The following DHX32 variants were observed in gnomAD, a reference collection of about 807,000 sequenced individuals.
DHX32 encodes the protein putative pre-mRNA-splicing factor ATP-dependent RNA helicase DHX32.
A neutral mutation model predicts 70.0 loss-of-function variants in DHX32; 51 were observed. The observed-to-expected ratio is 0.73, with a 90% confidence interval of 0.58 to 0.92. The LOEUF is 0.92. Ranked by LOEUF, DHX32 falls within the 40% of genes least tolerant of loss-of-function variation. DHX32 has a pLI of 0.00. For missense variants in DHX32, 762 were observed against 891.8 expected (o/e 0.85, Z 1.85); for synonymous variants, 310 against 315.3 (o/e 0.98, Z 0.18).
intron 1 of DHX32, among the ~76,000 whole-genome samples, chr10:125,871,035 C>T (rs766200430): frequency 2.6e-5 from 4 of 152,098 alleles, no homozygotes; most frequent in Admixed American, 1.3e-4. Flanking sequence ...CAGCTGCTTT[C>T]GAACTCTAAA....
chr10:125,875,682 G>A (rs991369120), intron 1 of DHX32, among the ~76,000 whole-genome samples: 13 of 152,190 alleles, frequency 8.5e-5, no homozygotes, highest in Non-Finnish European at 1.3e-4. Context: ...GCTAACACTA[G>A]TGGATGAATG....
chr10:125,860,925 T>C (rs1682455692), intron 2 of DHX32, among the ~76,000 whole-genome samples: 2 of 151,758 alleles, frequency 1.3e-5, no homozygotes, highest in Non-Finnish European at 2.9e-5. Flanking sequence ...GCTAATTTTT[T>C]GTATTTTTAG....
At chr10:125,859,056 T>G (rs1162727085) in intron 3 of DHX32, among the ~76,000 whole-genome samples, 3 of 151,706 alleles carry the variant, frequency 2.0e-5, no homozygotes, top group Non-Finnish European at 1.5e-5. Flanking sequence ...TTTTTTTTTT[T>G]TTTTTTTAAT....
At chr10:125,895,190 C>G (rs554181811) in intron 1 of DHX32, among the ~76,000 whole-genome samples, 3,492 of 152,250 alleles carry the variant, frequency 0.023, 99 homozygotes, top group African/African-American at 0.078. Context: ...ATATGCTTCT[C>G]AAGTTCAATT....
Position 125,880,868 on chromosome 10 carries a change from G to C in DHX32, c.-44C>G. 1.3e-6 allele frequency: 2 copies of C among 1,581,164 alleles called. No homozygotes were observed. Among genetic ancestry groups the C allele is most frequent in the Non-Finnish European group, 1.7e-6 (2 of 1,166,270 alleles). ...CACGCAGCTGACATTCCACAAGCAA[G>C]TTTCTCCTATCAGTAACCCATTGCA... On this transcript the variant is annotated 5_prime_UTR_variant, in exon 1 of 11. Coordinates refer to ENST00000284690, the MANE Select transcript of DHX32 (RefSeq NM_018180.3).
In DHX32 at chr10:125,879,175, C is replaced by A. The variant is rs778526788; in HGVS notation, c.282+1368G>T. ...GGTAGCTGGGACCACAGGCACGCAC[C>A]ACCATGCCCAGCTAATTTTTTAATT... On this transcript the variant is annotated intron_variant, in intron 1 of 10. Coordinates refer to ENST00000284690, the MANE Select transcript of DHX32 (RefSeq NM_018180.3). Among the ~76,000 whole-genome samples the A allele has an allele frequency of 5.9e-5, 9 of 151,746 alleles. No individual in the cohort carries two copies. In the Middle Eastern group the frequency reaches 0.021, roughly 346 times the overall value.
intron 2 of DHX32, among the ~76,000 whole-genome samples, chr10:125,860,866 C>T (rs1428897681): frequency 6.7e-6 from 1 of 148,370 alleles, no homozygotes; most frequent in African/African-American, 2.5e-5. Context: ...CGCCATTCTG[C>T]CTCAGCCTCC....
intron 9 of DHX32, 48 bp from the exon 10 acceptor site, chr10:125,838,435 A>T (rs1854770830): frequency 6.8e-7 from 1 of 1,460,494 alleles, no homozygotes; most frequent in Non-Finnish European, 9.1e-7. Context: ...TAATATGGAG[A>T]TCATTATACA....
chr10:125,851,772 A>G (rs1944092053), intron 6 of DHX32, among the ~76,000 whole-genome samples: 1 of 151,958 alleles, frequency 6.6e-6, no homozygotes, highest in Admixed American at 6.6e-5. Flanking sequence ...GGAAATCTAC[A>G]TTAATAAGTG....
intron 2 of DHX32, among the ~76,000 whole-genome samples, chr10:125,861,719 G>A (rs968370593): frequency 6.6e-6 from 1 of 152,178 alleles, no homozygotes; most frequent in African/African-American, 2.4e-5. Context: ...TTCACTGGGC[G>A]AGAGCTCGTG....
rs1854692418 is a variant in DHX32, at chr10:125,836,581, TC to T, written c.*105del. On this transcript the variant is annotated 3_prime_UTR_variant, in exon 11 of 11. Coordinates refer to ENST00000284690, the MANE Select transcript of DHX32 (RefSeq NM_018180.3). ...CACAGTGTTATTTTCTTCAAGACCG[TC>T]CTGTGGATGTGAAATCCGTCTTCGC... The T allele has an allele frequency of 7.0e-7, 1 of 1,433,062 alleles. No individual in the cohort carries two copies. The highest frequency in any genetic ancestry group is 1.4e-5 in the African/African-American group (1 of 70,374). The allele number at this position is 1,433,062 out of a possible 1,614,324, so 88.8% of individuals were successfully genotyped here. A position where few individuals can be genotyped will look rare whatever the true frequency, so the allele number is the denominator to read the frequency against.
chr10:125,875,976 A>C (rs547898881), intron 1 of DHX32, among the ~76,000 whole-genome samples: 1 of 152,354 alleles, frequency 6.6e-6, no homozygotes, highest in Non-Finnish European at 1.5e-5. Flanking sequence ...TCCAGAGGTC[A>C]CAAGATTTGT....
intron 1 of DHX32, among the ~76,000 whole-genome samples, chr10:125,893,686 C>G (rs1047161369): frequency 9.2e-5 from 14 of 152,112 alleles, no homozygotes; most frequent in African/African-American, 2.9e-4. Flanking sequence ...CCACCTTTGA[C>G]AGAACTCCCT....
chr10:125,843,269 T>C (rs1854930290), intron 6 of DHX32, among the ~76,000 whole-genome samples: 3 of 152,090 alleles, frequency 2.0e-5, no homozygotes, highest in Admixed American at 2.0e-4. Flanking sequence ...GAGTTCAAAG[T>C]AACATATGGT....
chr10:125,841,926 T>C lies in DHX32; in HGVS notation c.1360A>G (p.Ser454Gly). Residue 454 changes from serine (S) to glycine (G), a missense_variant, in exon 7 of 11, where the codon AGT becomes GGT. Physicochemically the swap from Ser to Gly is moderately conservative, Grantham distance 56. Around this residue, in one of 3 missense-constraint regions of DHX32, gnomAD observed 366 missense variants for 402.6 expected, o/e 0.91. Transcript: ENST00000284690. ...CDFMNRPAPE[S>G]LMQALEDLDY... ...AAGTCTTCCAATGCCTGCATCAAAC[T>C]TTCTGGTGCTAGGAAAGGAAAAAAA... The C allele has an allele frequency of 1.9e-6, 3 of 1,590,774 alleles. No individual in the cohort carries two copies. The highest frequency in any genetic ancestry group is 1.7e-6 in the Non-Finnish European group (2 of 1,172,962).
Position 125,880,900 on chromosome 10 carries a change from G to T in DHX32, c.-76C>A. 2 of 1,507,720 alleles carry T rather than the reference G, an allele frequency of 1.3e-6. No homozygotes were observed. Among genetic ancestry groups the T allele is most frequent in the Non-Finnish European group, 1.8e-6 (2 of 1,121,412 alleles). 93.4% of individuals were successfully genotyped at this position (1,507,720 alleles called of 1,614,324 possible). A position where few individuals can be genotyped will look rare whatever the true frequency, so the allele number is the denominator to read the frequency against. ...CTATCAGTAACCCATTGCAAACAGG[G>T]CTTAAAAGCCTATTTATACAAACCC... On this transcript the variant is annotated 5_prime_UTR_variant, in exon 1 of 11. Transcript: ENST00000284690.
At chr10:125,837,254 C>T (rs747976005) in intron 10 of DHX32, among the ~76,000 whole-genome samples, 57 of 152,310 alleles carry the variant, frequency 3.7e-4, no homozygotes, top group Non-Finnish European at 4.9e-4. Context: ...CATCCAGCTG[C>T]GTAAGCCAGA....
At chr10:125,858,165 T>G (rs1944160612) in intron 3 of DHX32, among the ~76,000 whole-genome samples, 1 of 152,130 alleles carries the variant, frequency 6.6e-6, no homozygotes, top group Non-Finnish European at 1.5e-5. Flanking sequence ...CCTCCCAAAG[T>G]GCTGTCATTA....
chr10:125,852,145 C>T (rs774535853), intron 6 of DHX32, 148 bp downstream of exon 6: 2 of 969,930 alleles, frequency 2.1e-6, no homozygotes, highest in African/African-American at 1.7e-5. Context: ...AGAATGTTTA[C>T]CTCTAGCAGG....
Sources: gnomAD v4.1 joint callset for allele counts (sites outside exome capture counted in the v4.1 genomes callset) on GRCh38, gnomAD v4.1.1 for gene constraint, gnomAD v4.1.1 regional missense constraint, MANE v1.5 for transcripts, NCBI Gene and HGNC (gene_info 2026-07-23, HGNC 2026-07-21) for gene names.